Variants in CRYBG1 observed in about 807,000 individuals in gnomAD.
CRYBG1 encodes the protein beta/gamma crystallin domain-containing protein 1.
CRYBG1 carries 139 observed loss-of-function variants against 189.2 expected under a neutral mutation model. The observed-to-expected ratio is 0.73, with a 90% CI of 0.64 to 0.85. The LOEUF is 0.85. Ranked by LOEUF, CRYBG1 falls within the 40% of genes least tolerant of loss-of-function variation. CRYBG1 has a pLI of 0.00. For synonymous variants in CRYBG1, 1,023 were observed against 1,017.1 expected (o/e 1.01, Z -0.11); for missense variants, 2,611 against 2,675.8 (o/e 0.98, Z 0.53).
At chr6:106,443,835 C>G (rs1771609023) in intron 1 of CRYBG1, among the ~76,000 whole-genome samples, 1 of 152,056 alleles carries the variant, frequency 6.6e-6, no homozygotes, top group Non-Finnish European at 1.5e-5. Context: ...TATCTTTCAC[C>G]TCAAGCATTT....
intron 21 of CRYBG1, among the ~76,000 whole-genome samples, chr6:106,565,075 T>C (rs1291734312): frequency 6.6e-6 from 1 of 152,106 alleles, no homozygotes; most frequent in African/African-American, 2.4e-5. Flanking sequence ...ATCCCAGCAC[T>C]TTGGGAGGCC....
intron 2 of CRYBG1, among the ~76,000 whole-genome samples, chr6:106,470,273 T>C (rs1340621): frequency 0.084 from 12,846 of 152,154 alleles, 707 homozygotes; most frequent in East Asian, 0.22. Flanking sequence ...TGCAATGAGC[T>C]GTGTTCACGC....
intron 4 of CRYBG1, among the ~76,000 whole-genome samples, chr6:106,523,705 T>G (rs969919069): frequency 1.3e-5 from 2 of 151,184 alleles, no homozygotes; most frequent in African/African-American, 2.4e-5. Context: ...TGGCTTCTGA[T>G]AAGGCTCTAG....
chr6:106,475,166 T>C (rs1178882857), intron 2 of CRYBG1, among the ~76,000 whole-genome samples: 1 of 152,160 alleles, frequency 6.6e-6, no homozygotes, highest in East Asian at 1.9e-4. Context: ...ATGTTTCAAA[T>C]GCCAGATCTT....
chr6:106,570,785 G>A lies in CRYBG1; in HGVS notation c.*2219G>A, dbSNP rs1162106023. The A allele has an allele frequency of 6.6e-6, 1 of 152,104 alleles. No individual in the cohort carries two copies. Among genetic ancestry groups the A allele is most frequent in the Non-Finnish European group, 1.5e-5 (1 of 68,026 alleles). The allele number at this position is 152,104 out of a possible 1,614,324, so 9.4% of individuals were successfully genotyped here. A position where few individuals can be genotyped will look rare whatever the true frequency, so the allele number is the denominator to read the frequency against. The stretch of plus-strand genomic sequence containing the variant: ...TTTTTTCTTTTGCAATAACTCGGTA[G>A]TAAGACCAGACCAACAATTTTAGAG... On this transcript the variant is annotated 3_prime_UTR_variant, in exon 22 of 22. Transcript: ENST00000633556.
chr6:106,362,059 C>A (rs1165682059), intron 1 of CRYBG1, among the ~76,000 whole-genome samples: 1 of 150,094 alleles, frequency 6.7e-6, no homozygotes, highest in African/African-American at 2.5e-5. Context: ...CAAGCTCCAC[C>A]TCCCGGGTTC....
At chr6:106,378,975 C>T (rs939708517) in intron 1 of CRYBG1, among the ~76,000 whole-genome samples, 9 of 151,940 alleles carry the variant, frequency 5.9e-5, no homozygotes, top group African/African-American at 1.7e-4. Context: ...GGTGAAACCC[C>T]GTCTCTACTA....
At chr6:106,408,171 A>G (rs949467548) in intron 1 of CRYBG1, among the ~76,000 whole-genome samples, 11 of 152,198 alleles carry the variant, frequency 7.2e-5, no homozygotes, top group Non-Finnish European at 4.4e-5. Context: ...AATAGACACA[A>G]TAAAAAATGA....
chr6:106,446,909 GA>G (rs1562309569), intron 1 of CRYBG1, among the ~76,000 whole-genome samples: 1 of 152,204 alleles, frequency 6.6e-6, no homozygotes, highest in Non-Finnish European at 1.5e-5. Flanking sequence ...TCTCCAGGGA[GA>G]GGGGCAATCT....
At chr6:106,415,535 G>A (rs1771006089) in intron 1 of CRYBG1, among the ~76,000 whole-genome samples, 1 of 151,420 alleles carries the variant, frequency 6.6e-6, no homozygotes, top group South Asian at 2.1e-4. Context: ...ACAAGCCTGG[G>A]TAACGTGGAA....
rs1217278420 is a variant in CRYBG1, at chr6:106,512,977, C to T, written c.1860C>T (p.Asp620=). 6.2e-7 allele frequency: 1 copy of T among 1,610,938 alleles called. No individual in the cohort carries two copies. Residue 620 remains aspartate, a synonymous_variant, in exon 3 of 22, where the codon GAC becomes GAT. Transcript: ENST00000633556. The part of the protein sequence containing the change: ...AAGAPGASDA[D]GLKPRNHFGV... ...GAGCGCCTGGAGCTTCTGACGCCGA[C>T]GGCTTGAAGCCCAGGAACCATTTCG...
chr6:106,402,119 T>A (rs1320250676), intron 1 of CRYBG1, among the ~76,000 whole-genome samples: 1 of 111,362 alleles, frequency 9.0e-6, no homozygotes, highest in East Asian at 2.7e-4. Flanking sequence ...CAAGGAGAAC[T>A]ACAAACCACT....
chr6:106,540,942 A>G (rs560815759), intron 9 of CRYBG1, among the ~76,000 whole-genome samples: 1 of 152,174 alleles, frequency 6.6e-6, no homozygotes, highest in South Asian at 2.1e-4. Flanking sequence ...TTGTTTTTAA[A>G]AAGCTTTCTA....
intron 1 of CRYBG1, 38 bp from the exon 2 acceptor site, chr6:106,451,656 A>G (rs999610365): frequency 4.0e-6 from 6 of 1,494,238 alleles, no homozygotes; most frequent in Non-Finnish European, 5.3e-6. Context: ...GGCATTGTTC[A>G]TAGTGTATTG....
rs147147086 is a variant in CRYBG1, at chr6:106,558,496, A to T, written c.5726A>T (p.Glu1909Val). Residue 1909 changes from glutamate (E) to valine (V), a missense_variant, in exon 18 of 22, where the codon GAA becomes GTA. By Grantham distance (121) the Glu-to-Val change is moderately radical (BLOSUM62 -2). This residue lies in a region of CRYBG1 where 1,622 missense variants were observed against 1,735.0 expected (regional missense o/e 0.93). Transcript: ENST00000633556. ...SLRFIDVEFS[E>V]PTIILFERED... ...TTTGTTCCTCAACAGGAATTTTCTG[A>T]ACCAACAATTATTCTCTTTGAAAGA... 1 of 1,594,704 alleles carries T rather than the reference A, an allele frequency of 6.3e-7. No homozygotes were observed. Among genetic ancestry groups the T allele is most frequent in the African/African-American group, 1.3e-5 (1 of 74,136 alleles).
chr6:106,523,811 C>A (rs563790369), intron 4 of CRYBG1, among the ~76,000 whole-genome samples: 2 of 151,716 alleles, frequency 1.3e-5, no homozygotes, highest in East Asian at 3.9e-4. Context: ...CTCACTGCAA[C>A]CTCTCTGCCT....
intron 2 of CRYBG1, among the ~76,000 whole-genome samples, chr6:106,483,404 A>ATATATGT (rs1772518476): frequency 1.6e-5 from 2 of 127,252 alleles, no homozygotes; most frequent in East Asian, 2.7e-4. Context: ...ATATATATAA[A>ATATATGT]ACATTTTCTT....
At chr6:106,446,994 T>G (rs1035247454) in intron 1 of CRYBG1, among the ~76,000 whole-genome samples, 18 of 152,340 alleles carry the variant, frequency 1.2e-4, no homozygotes, top group African/African-American at 4.1e-4. Context: ...TACTTCTAAG[T>G]CTGAGTAAAA....
intron 3 of CRYBG1, among the ~76,000 whole-genome samples, 156 bp from the exon 4 acceptor site, chr6:106,518,975 G>GCACACACACACACACA (rs377748036): frequency 1.0e-4 from 14 of 134,366 alleles, no homozygotes; most frequent in African/African-American, 2.4e-4. Context: ...ACATGTGTGC[G>GCACACACACACACACA]CACACACACA....
Sources: gnomAD v4.1 joint callset for allele counts (sites outside exome capture counted in the v4.1 genomes callset) on GRCh38, gnomAD v4.1.1 for gene constraint, gnomAD v4.1.1 regional missense constraint, MANE v1.5 for transcripts, NCBI Gene and HGNC (gene_info 2026-07-23, HGNC 2026-07-21) for gene names.